The following POTEJ variants were observed in gnomAD, a reference collection of about 807,000 sequenced individuals.
The protein encoded by POTEJ is POTE ankyrin domain family member J, also known as POTE ankyrin domain family, member J.
POTEJ carries 11 observed loss-of-function variants against 69.0 expected under a neutral mutation model. The ratio of observed to expected loss-of-function variants is 0.16; its 90% confidence interval spans 0.10 to 0.26. The LOEUF is 0.26. Among genes scored for constraint, POTEJ ranks in the 10% least tolerant of loss-of-function variants. The probability of loss-of-function intolerance (pLI) is 1.00; values close to 1 mark genes in which losing one functional copy is unlikely to be tolerated. For missense variants in POTEJ, 327 were observed against 1,045.5 expected (o/e 0.31, Z 9.48); for synonymous variants, 117 against 381.1 (o/e 0.31, Z 8.07).
chr2:130,640,561 G>T (rs1292230964), intron 10 of POTEJ, among the ~76,000 whole-genome samples: 1 of 151,880 alleles, frequency 6.6e-6, no homozygotes, highest in South Asian at 2.1e-4. Context: ...TTTTATTCAC[G>T]TCTCCTTTCG....
intron 5 of POTEJ, among the ~76,000 whole-genome samples, chr2:130,622,675 C>A (rs1408374831): frequency 3.1e-5 from 4 of 128,108 alleles, no homozygotes; most frequent in African/African-American, 1.3e-4. Context: ...AAAATTGTCC[C>A]AGCTACTTCC....
chr2:130,613,292 A>G (rs62164887), intron 1 of POTEJ, among the ~76,000 whole-genome samples: 1 of 117,902 alleles, frequency 8.5e-6, no homozygotes, highest in Non-Finnish European at 1.8e-5. Context: ...ATATATACAT[A>G]TATATACATA....
chr2:130,623,886 G>A lies in POTEJ; in HGVS notation c.945-178G>A, dbSNP rs557653657. Among the ~76,000 whole-genome samples the A allele has an allele frequency of 8.0e-4, 99 of 124,382 alleles. 2 individuals are homozygous for A. The highest frequency in any genetic ancestry group is 4.8e-3 in the South Asian group (20 of 4,146). The allele number at this position is 124,382 out of a possible 152,430, so 81.6% of individuals were successfully genotyped here. On this transcript the variant is annotated intron_variant, in intron 5 of 14. Transcript: ENST00000409602. ...GAGTATTTCACCTTACATTTTTTTCGTCTTTAATTAGAAGCTTAAAGAGAA... is the reference window on the plus strand; with the variant it reads ...GAGTATTTCACCTTACATTTTTTTCATCTTTAATTAGAAGCTTAAAGAGAA...
chr2:130,631,133 C>A (rs1369806781), intron 7 of POTEJ, among the ~76,000 whole-genome samples: 1 of 147,152 alleles, frequency 6.8e-6, no homozygotes, highest in Admixed American at 6.7e-5. Context: ...TTTGCTGGTT[C>A]ACGTTTTTTT....
At position 130,643,568 on chromosome 2, in the gene POTEJ, G is replaced by T. The variant is rs1455466643; in HGVS notation, c.1370-415G>T. Reference sequence around the variant, plus strand: ...AATAAATTTGTCAGAATAGTGGAGGGAAACATTTTAGATATTAGGAAGATG... The same window carrying T: ...AATAAATTTGTCAGAATAGTGGAGGTAAACATTTTAGATATTAGGAAGATG... On this transcript the variant is annotated intron_variant, in intron 10 of 14. Transcript: ENST00000409602. 1.2e-4 allele frequency among the ~76,000 whole-genome samples: 18 copies of T among 144,560 alleles called. 2 individuals carry two copies. Among genetic ancestry groups the T allele is most frequent in the South Asian group, 2.2e-4 (1 of 4,572 alleles). The allele number at this position is 144,560 out of a possible 152,430, so 94.8% of individuals were successfully genotyped here.
chr2:130,626,710 T>A (rs1428144595), intron 6 of POTEJ, among the ~76,000 whole-genome samples: 1 of 152,180 alleles, frequency 6.6e-6, no homozygotes, highest in Non-Finnish European at 1.5e-5. Context: ...AGTAGTCAGC[T>A]ATAGTTTCCT....
chr2:130,641,993 G>A (rs560244276), intron 10 of POTEJ, among the ~76,000 whole-genome samples: 1 of 151,988 alleles, frequency 6.6e-6, no homozygotes, highest in Non-Finnish European at 1.5e-5. Flanking sequence ...TGACCTGTGT[G>A]AGTCACAGCT....
intron 13 of POTEJ, among the ~76,000 whole-genome samples, chr2:130,650,129 T>A (rs1443574728): frequency 5.9e-5 from 9 of 151,826 alleles, no homozygotes; most frequent in African/African-American, 2.2e-4. Context: ...TTGAGGGAAG[T>A]TTCAATGAAA....
chr2:130,611,169 TTGGCC>T (rs1685194749), upstream of POTEJ, among the ~76,000 whole-genome samples: 1 of 146,082 alleles, frequency 6.8e-6, no homozygotes, highest in Admixed American at 6.8e-5. Flanking sequence ...TGTTGGTCGC[TTGGCC>T]TGGTGTTCCT....
At chr2:130,612,679 C>T (rs1413360781) in intron 1 of POTEJ, among the ~76,000 whole-genome samples, 10 of 119,518 alleles carry the variant, frequency 8.4e-5, no homozygotes, top group South Asian at 2.9e-4. Flanking sequence ...AGGAGAATGG[C>T]GTGAACTCGG....
In POTEJ at chr2:130,611,729, G is replaced by A; in HGVS notation, c.197G>A (p.Cys66Tyr). Residue 66 changes from cysteine (C) to tyrosine (Y), a missense_variant, in exon 1 of 15, where the codon TGC becomes TAC. By Grantham distance (194) the Cys-to-Tyr change is radical. Coordinates refer to ENST00000409602, the MANE Select transcript of POTEJ (RefSeq NM_001277083.2). ...AGGAGCAAGATGGGCAAGTGGTGCT[G>A]CCACTGCTTCCCCTGCTGCAGGGGG... ...TLRSKMGKWC[C>Y]HCFPCCRGSG... 2 of 1,566,810 alleles carry A rather than the reference G, an allele frequency of 1.3e-6. No homozygotes were observed. Among genetic ancestry groups the A allele is most frequent in the Non-Finnish European group, 1.7e-6 (2 of 1,150,098 alleles).
At chr2:130,650,241 T>A (rs1431759196) in intron 13 of POTEJ, among the ~76,000 whole-genome samples, 1 of 152,284 alleles carries the variant, frequency 6.6e-6, no homozygotes, top group Non-Finnish European at 1.5e-5. Flanking sequence ...AATAAAAGTT[T>A]CTTTGTATTA....
Position 130,624,052 on chromosome 2 carries a change from T to G in POTEJ, c.945-12T>G, listed in dbSNP as rs1402000892. 21 of 1,436,538 alleles carry G rather than the reference T, an allele frequency of 1.5e-5. No homozygotes were observed. Among genetic ancestry groups the G allele is most frequent in the Admixed American group, 2.1e-5 (1 of 47,364 alleles). The allele number at this position is 1,436,538 out of a possible 1,614,324, so 89.0% of individuals were successfully genotyped here. On this transcript the variant is annotated splice_polypyrimidine_tract_variant and intron_variant, in intron 5 of 14. Transcript: ENST00000409602. ...AAAATAGTAATTTGGTTTATTACAT[T>G]TTTATACATAGAATTTGCCAGTTAC...
At chr2:130,621,790 G>C (rs1355810214) in intron 5 of POTEJ, among the ~76,000 whole-genome samples, 187 bp downstream of exon 5, 2 of 149,318 alleles carry the variant, frequency 1.3e-5, no homozygotes, top group Non-Finnish European at 3.0e-5. Flanking sequence ...GTACCAATGG[G>C]TGCGGGATTC....
At chr2:130,624,587 G>T (rs1348194870) in intron 6 of POTEJ, among the ~76,000 whole-genome samples, 6 of 152,080 alleles carry the variant, frequency 3.9e-5, no homozygotes, top group Non-Finnish European at 8.8e-5. Flanking sequence ...AAATACAGAT[G>T]AAGCTTCCCT....
At position 130,657,382 on chromosome 2, in the gene POTEJ, C is replaced by T; in HGVS notation, c.2622C>T (p.Asp874=). ...TGGCCGAGCGGGAAATCGTGCGTGA[C>T]ATCAAAGAGAAGCTGTGCTATGTTG... ...TTMAEREIVR[D]IKEKLCYVAL... is the part of the protein sequence containing the mutation. The change falls in exon 15 of 15, where the codon GAC becomes GAT. Residue 874 remains aspartate (D), a synonymous_variant. Coordinates refer to ENST00000409602, the MANE Select transcript of POTEJ (RefSeq NM_001277083.2). The T allele has an allele frequency of 2.5e-6, 4 of 1,583,652 alleles. No individual in the cohort carries two copies. The highest frequency in any genetic ancestry group is 3.5e-6 in the Non-Finnish European group (4 of 1,158,202).
intron 9 of POTEJ, among the ~76,000 whole-genome samples, chr2:130,636,863 C>G (rs1686110875): frequency 6.8e-6 from 1 of 147,470 alleles, no homozygotes; most frequent in Non-Finnish European, 1.5e-5. Flanking sequence ...GAGGCCAAGG[C>G]AGGCGGATCA....
intron 11 of POTEJ, among the ~76,000 whole-genome samples, chr2:130,644,445 G>A (rs1172556709): frequency 8.6e-5 from 13 of 151,928 alleles, no homozygotes; most frequent in Non-Finnish European, 1.8e-4. Flanking sequence ...CTCCAGCCTG[G>A]GTGACAGAGC....
intron 6 of POTEJ, among the ~76,000 whole-genome samples, chr2:130,625,317 G>C (rs1213426038): frequency 2.0e-5 from 3 of 152,038 alleles, no homozygotes; most frequent in Admixed American, 2.0e-4. Flanking sequence ...ATGTCTTTTA[G>C]ATAGTAACCA....
Sources: gnomAD v4.1 joint callset for allele counts (sites outside exome capture counted in the v4.1 genomes callset) on GRCh38, gnomAD v4.1.1 for gene constraint, MANE v1.5 for transcripts, NCBI Gene and HGNC (gene_info 2026-07-23, HGNC 2026-07-21) for gene names.